SDC4: variants seen among roughly 807,000 people sequenced by gnomAD.
SDC4 encodes syndecan-4.
SDC4 carries 17 observed loss-of-function variants against 20.5 expected under a neutral mutation model. The observed-to-expected ratio is 0.83, with a 90% CI of 0.57 to 1.25. SDC4 has a LOEUF of 1.25. SDC4 is among the 50% of genes most tolerant of loss of function. SDC4 has a pLI of 0.00. For missense variants in SDC4, 241 were observed against 252.3 expected, an observed-to-expected ratio of 0.96 and a Z score of 0.30; for synonymous variants, 107 against 105.3, an observed-to-expected ratio of 1.02 and a Z score of -0.10.
At chr20:45,348,238 C>T (rs972989041) in intron 1 of SDC4, 87 bp downstream of exon 1, 18 of 1,143,860 alleles carry the variant, frequency 1.6e-5, no homozygotes, top group African/African-American at 1.1e-4. Context: ...CCGATCTGCC[C>T]CCCCCCATCC....
intron 1 of SDC4, among the ~76,000 whole-genome samples, chr20:45,343,668 G>T (rs1987987808): frequency 6.6e-6 from 1 of 152,182 alleles, no homozygotes; most frequent in Admixed American, 6.5e-5. Flanking sequence ...CCACCTCCCA[G>T]CTGTGGGGGT....
chr20:45,335,517 TTA>T (rs1387850429), intron 2 of SDC4, among the ~76,000 whole-genome samples: 2 of 143,482 alleles, frequency 1.4e-5, no homozygotes, highest in Non-Finnish European at 3.0e-5. Flanking sequence ...AGAGAAGAGC[TTA>T]TGAGGACACG....
At chr20:45,329,257 G>A (rs371025807) in intron 4 of SDC4, among the ~76,000 whole-genome samples, 7 of 152,270 alleles carry the variant, frequency 4.6e-5, no homozygotes, top group Admixed American at 4.6e-4. Context: ...GAGATAACCT[G>A]GCTTCAGTTC....
intron 1 of SDC4, among the ~76,000 whole-genome samples, chr20:45,346,193 G>A (rs190662042): frequency 2.0e-5 from 3 of 152,296 alleles, no homozygotes; most frequent in East Asian, 1.9e-4. Flanking sequence ...AGGACACGCT[G>A]GATCATCTCT....
rs758577542 is a variant in SDC4, at chr20:45,348,406, C to T, written c.-22G>A. 1.3e-6 allele frequency: 2 copies of T among 1,539,148 alleles called. No homozygotes were observed. Among genetic ancestry groups the T allele is most frequent in the South Asian group, 1.2e-5 (1 of 83,552 alleles). ...CCATGGCACCGCGGACTGGAGAAGG[C>T]GCGCAGGCTGCGGCGAGTGGCCCCG... is the stretch of plus-strand genomic sequence containing the variant. On this transcript the variant is annotated 5_prime_UTR_variant, in exon 1 of 5. Transcript: ENST00000372733.
intron 1 of SDC4, among the ~76,000 whole-genome samples, chr20:45,336,908 T>C (rs772384189): frequency 6.6e-6 from 1 of 152,000 alleles, no homozygotes; most frequent in Non-Finnish European, 1.5e-5. Context: ...AGATCTACTC[T>C]GCTGCCAGCA....
chr20:45,329,129 T>TA (rs1987738785), intron 4 of SDC4, among the ~76,000 whole-genome samples: 1 of 152,236 alleles, frequency 6.6e-6, no homozygotes. Context: ...AAGCATTTAA[T>TA]AAGGCTCCTG....
intron 3 of SDC4, 55 bp from the exon 4 acceptor site, chr20:45,330,619 G>A (rs913094583): frequency 3.4e-6 from 5 of 1,483,008 alleles, no homozygotes; most frequent in African/African-American, 2.8e-5. Context: ...GAGACTCAGG[G>A]CAGGGGACAG....
chr20:45,340,843 C>G (rs181895998), intron 1 of SDC4, among the ~76,000 whole-genome samples: 1 of 152,286 alleles, frequency 6.6e-6, no homozygotes, highest in Non-Finnish European at 1.5e-5. Flanking sequence ...CAGGAGACCC[C>G]CAGCAGCGTA....
At chr20:45,340,141 T>C (rs1987933979) in intron 1 of SDC4, among the ~76,000 whole-genome samples, 1 of 152,196 alleles carries the variant, frequency 6.6e-6, no homozygotes, top group Admixed American at 6.5e-5. Flanking sequence ...TCTAGTCTTT[T>C]GGCTATAGGC....
intron 1 of SDC4, among the ~76,000 whole-genome samples, chr20:45,343,394 C>T (rs1449939607): frequency 6.6e-6 from 1 of 152,084 alleles, no homozygotes; most frequent in Non-Finnish European, 1.5e-5. Flanking sequence ...AAACTCTGCC[C>T]CTCCAGCACA....
chr20:45,346,852 C>T lies in SDC4; in HGVS notation c.60+1473G>A, dbSNP rs774897336. On this transcript the variant is annotated intron_variant, in intron 1 of 4. Transcript: ENST00000372733. ...TTCTAAACCCGTCTTTAGTTACCAA[C>T]GATGGGACACCTGGAGTAGCACAAA... Among the ~76,000 whole-genome samples the T allele has an allele frequency of 9.2e-5, 14 of 152,316 alleles. No homozygotes were observed. In the East Asian group the frequency reaches 2.1e-3, roughly 23 times the overall value.
At chr20:45,340,688 G>T (rs762357308) in intron 1 of SDC4, among the ~76,000 whole-genome samples, 14 of 152,244 alleles carry the variant, frequency 9.2e-5, no homozygotes, top group Non-Finnish European at 1.6e-4. Flanking sequence ...TCCTCCCCAG[G>T]GGAGGTAGGG....
At chr20:45,328,916 C>A (rs1987734889) in intron 4 of SDC4, among the ~76,000 whole-genome samples, 1 of 152,168 alleles carries the variant, frequency 6.6e-6, no homozygotes, top group Non-Finnish European at 1.5e-5. Flanking sequence ...TCTGATGACC[C>A]CAGTTCCTCC....
At chr20:45,327,716 T>G (rs908876972) in intron 4 of SDC4, among the ~76,000 whole-genome samples, 17 of 152,208 alleles carry the variant, frequency 1.1e-4, no homozygotes, top group African/African-American at 4.1e-4. Context: ...TGATCTCGGC[T>G]TACTGCAACC....
chr20:45,341,827 G>T (rs545104809), intron 1 of SDC4, among the ~76,000 whole-genome samples: 1 of 152,278 alleles, frequency 6.6e-6, no homozygotes, highest in South Asian at 2.1e-4. Flanking sequence ...TGGGGGAAGG[G>T]TTCAGGAGCC....
In SDC4 at chr20:45,327,325, C is replaced by G. The variant is rs1279502274; in HGVS notation, c.536G>C (p.Ser179Thr). The G allele has an allele frequency of 4.3e-6, 7 of 1,614,222 alleles. No individual in the cohort carries two copies. The highest frequency in any genetic ancestry group is 5.9e-6 in the Non-Finnish European group (7 of 1,180,044). Residue 179 changes from serine to threonine, a missense_variant, in exon 5 of 5, where the codon AGC becomes ACC. Ser to Thr is a moderately conservative substitution (Grantham distance 58). Transcript: ENST00000372733. The part of the protein sequence containing the change: ...MYRMKKKDEG[S>T]YDLGKKPIYK... ...GATGGGTTTCTTGCCCAGGTCATAG[C>G]TGCCTTCATCCTTCTTCTTCATACG...
At position 45,326,802 on chromosome 20, in the gene SDC4, G is replaced by C. The variant is rs1327154305; in HGVS notation, c.*462C>G. ...TACCCATTTACAGAAACATCTCAAG[G>C]TGCAGGTGGTTCTAGTTCCTTCCCC... On this transcript the variant is annotated 3_prime_UTR_variant, in exon 5 of 5. Transcript: ENST00000372733. 6.4e-6 allele frequency: 1 copy of C among 155,048 alleles called. No individual in the cohort carries two copies. Among genetic ancestry groups the C allele is most frequent in the African/African-American group, 2.4e-5 (1 of 41,514 alleles). The allele number at this position is 155,048 out of a possible 1,614,324, so 9.6% of individuals were successfully genotyped here.
At chr20:45,328,799 G>A (rs114584669) in intron 4 of SDC4, among the ~76,000 whole-genome samples, 132 of 152,280 alleles carry the variant, frequency 8.7e-4, no homozygotes, top group African/African-American at 3.1e-3. Context: ...GTTCTTTCTT[G>A]GGTAAAATCC....
Sources: gnomAD v4.1 joint callset for allele counts (sites outside exome capture counted in the v4.1 genomes callset) on GRCh38, gnomAD v4.1.1 for gene constraint, MANE v1.5 for transcripts, NCBI Gene and HGNC (gene_info 2026-07-23, HGNC 2026-07-21) for gene names.